The following HS3ST4 variants were observed in gnomAD, a reference collection of about 807,000 sequenced individuals.
HS3ST4 encodes the protein heparan sulfate-glucosamine 3-sulfotransferase 4.
HS3ST4 carries 17 observed loss-of-function variants against 29.2 expected under a neutral mutation model. That is an observed-to-expected ratio of 0.58 (90% CI 0.40 to 0.87). The LOEUF is 0.87. Ranked by LOEUF, HS3ST4 falls within the 40% of genes least tolerant of loss-of-function variation. HS3ST4 has a pLI of 0.00. For synonymous variants in HS3ST4, 314 were observed against 285.7 expected, an observed-to-expected ratio of 1.10 and a Z score of -1.00; for missense variants, 627 against 634.5, an observed-to-expected ratio of 0.99 and a Z score of 0.13.
chr16:25,709,417 C>G (rs992741708), intron 1 of HS3ST4, among the ~76,000 whole-genome samples: 6 of 152,020 alleles, frequency 3.9e-5, no homozygotes, highest in Non-Finnish European at 5.9e-5. Flanking sequence ...CCCTGGAGGC[C>G]CCTGGATCTG....
chr16:25,956,770 G>A lies in HS3ST4; in HGVS notation c.735-178842G>A, dbSNP rs567832991. On this transcript the variant is annotated intron_variant, in intron 1 of 1. Coordinates refer to ENST00000331351, the MANE Select transcript of HS3ST4 (RefSeq NM_006040.3). The stretch of plus-strand genomic sequence containing the variant: ...TCCCAGCACTTTGGGAGGCTGAGGC[G>A]GGCACATCATGAGGTCAGGAGATCA... Among the ~76,000 whole-genome samples the A allele has an allele frequency of 1.2e-4, 18 of 152,110 alleles. No individual in the cohort carries two copies. In the South Asian group the frequency reaches 2.1e-3, roughly 18 times the overall value.
chr16:25,956,717 G>C (rs563009542), intron 1 of HS3ST4, among the ~76,000 whole-genome samples: 1 of 152,176 alleles, frequency 6.6e-6, no homozygotes, highest in Non-Finnish European at 1.5e-5. Context: ...CATGGGTTTT[G>C]GCTGGGCGTG....
intron 1 of HS3ST4, among the ~76,000 whole-genome samples, chr16:25,781,098 A>G (rs921831192): frequency 2.6e-5 from 4 of 152,230 alleles, no homozygotes; most frequent in Non-Finnish European, 4.4e-5. Context: ...GCTTGTTGTT[A>G]TAAAAGGGAA....
intron 1 of HS3ST4, among the ~76,000 whole-genome samples, chr16:25,807,425 A>G (rs191899809): frequency 6.6e-6 from 1 of 152,210 alleles, no homozygotes; most frequent in Admixed American, 6.5e-5. Context: ...AAACCTCTGG[A>G]CTCTGACTTT....
chr16:25,948,000 C>G (rs1968646429), intron 1 of HS3ST4, among the ~76,000 whole-genome samples: 1 of 152,112 alleles, frequency 6.6e-6, no homozygotes, highest in Admixed American at 6.5e-5. Context: ...AATATAAGTG[C>G]TTAATAAATA....
chr16:25,895,453 T>G (rs924455974), intron 1 of HS3ST4, among the ~76,000 whole-genome samples: 6 of 151,972 alleles, frequency 3.9e-5, no homozygotes, highest in Admixed American at 3.9e-4. Flanking sequence ...GGTGAATGGA[T>G]GCTGGGCTGG....
rs114586373 is a variant in HS3ST4, at chr16:25,896,930, T to C, written c.734+203779T>C. Among the ~76,000 whole-genome samples, 855 of 152,220 alleles carry C rather than the reference T, an allele frequency of 5.6e-3. 5 individuals are homozygous for C. Among genetic ancestry groups the C allele is most frequent in the African/African-American group, 0.019 (804 of 41,526 alleles). ...AGCAAATACCACATGTTCTCACTTA[T>C]CAGTGGGAGCTTAACATTGGGTGCT... is the stretch of plus-strand genomic sequence containing the variant. On this transcript the variant is annotated intron_variant, in intron 1 of 1. Transcript: ENST00000331351.
At chr16:26,066,846 A>G (rs1025451222) in intron 1 of HS3ST4, among the ~76,000 whole-genome samples, 1 of 152,260 alleles carries the variant, frequency 6.6e-6, no homozygotes, top group African/African-American at 2.4e-5. Context: ...GCAGTATGCA[A>G]TGCTCAGGAC....
chr16:26,086,123 C>A (rs894114834), intron 1 of HS3ST4, among the ~76,000 whole-genome samples: 1 of 151,926 alleles, frequency 6.6e-6, no homozygotes, highest in Non-Finnish European at 1.5e-5. Context: ...ATCCTAATTC[C>A]GAATTTTCTC....
At chr16:25,797,752 C>T (rs1010028823) in intron 1 of HS3ST4, among the ~76,000 whole-genome samples, 2 of 152,164 alleles carry the variant, frequency 1.3e-5, no homozygotes, top group Admixed American at 6.5e-5. Context: ...TTGTTAATGT[C>T]TAGAGCAATG....
At chr16:26,013,775 T>A (rs1969335893) in intron 1 of HS3ST4, among the ~76,000 whole-genome samples, 1 of 152,148 alleles carries the variant, frequency 6.6e-6, no homozygotes, top group Non-Finnish European at 1.5e-5. Context: ...TGTGGGAGGC[T>A]AAGGTGGGCA....
At chr16:25,863,599 A>G (rs1483464321) in intron 1 of HS3ST4, among the ~76,000 whole-genome samples, 2 of 152,144 alleles carry the variant, frequency 1.3e-5, no homozygotes, top group African/African-American at 4.8e-5. Context: ...ATTAAATTAA[A>G]GAAATACTCT....
Position 25,911,023 on chromosome 16 carries a change from G to T in HS3ST4, c.734+217872G>T, listed in dbSNP as rs1483729854. On this transcript the variant is annotated intron_variant, in intron 1 of 1. Transcript: ENST00000331351. ...ATAATTGTAAGTAACTTAATGTCTG[G>T]TAATATTGGACTCTTTGGCAATGGA... Among the ~76,000 whole-genome samples the T allele has an allele frequency of 2.0e-5, 3 of 152,138 alleles. No homozygotes were observed. In the East Asian group the frequency reaches 5.8e-4, roughly 29 times the overall value.
intron 1 of HS3ST4, among the ~76,000 whole-genome samples, chr16:25,927,950 G>A (rs553251617): frequency 2.1e-5 from 3 of 145,310 alleles, no homozygotes; most frequent in African/African-American, 7.8e-5. Flanking sequence ...TGTAATCTCA[G>A]CATTTTCTGA....
intron 1 of HS3ST4, among the ~76,000 whole-genome samples, chr16:26,087,494 TC>T (rs1898803971): frequency 6.6e-6 from 1 of 152,082 alleles, no homozygotes; most frequent in Non-Finnish European, 1.5e-5. Flanking sequence ...CATCCCTGCC[TC>T]CCTCACTCCC....
rs1596662689 is a variant in HS3ST4 at position 26,048,931 on chromosome 16, ATGTC to A, written c.735-86676_735-86673del. 4.6e-5 allele frequency among the ~76,000 whole-genome samples: 7 copies of A among 152,256 alleles called. No individual in the cohort carries two copies. In the East Asian group the frequency reaches 1.4e-3, roughly 29 times the overall value. Reference sequence around the variant, plus strand: ...GGAGAATGTGTTAGTTGATCATACTATGTCTGTCATACCTCTCTGCCCTTTGTTA... The same window carrying A: ...GGAGAATGTGTTAGTTGATCATACTATGTCATACCTCTCTGCCCTTTGTTA... On this transcript the variant is annotated intron_variant, in intron 1 of 1. Transcript: ENST00000331351.
intron 1 of HS3ST4, among the ~76,000 whole-genome samples, chr16:25,946,287 G>C (rs2141694608): frequency 6.6e-6 from 1 of 152,328 alleles, no homozygotes; most frequent in South Asian, 2.1e-4. Context: ...CCATATTGCA[G>C]TGTGTTAAGG....
At chr16:25,955,344 C>T (rs1968721002) in intron 1 of HS3ST4, among the ~76,000 whole-genome samples, 2 of 152,186 alleles carry the variant, frequency 1.3e-5, no homozygotes, top group Admixed American at 1.3e-4. Flanking sequence ...GTGCAATAAA[C>T]CTCGTCAGTT....
chr16:26,112,381 CTTTTT>C (rs386384539), intron 1 of HS3ST4, among the ~76,000 whole-genome samples: 60 of 111,940 alleles, frequency 5.4e-4, no homozygotes, highest in African/African-American at 1.8e-3. Context: ...GCCTCTACAT[CTTTTT>C]TTTTTTTTTT....
Sources: allele counts gnomAD v4.1 joint callset (sites outside exome capture counted in the v4.1 genomes callset), GRCh38; gene constraint gnomAD v4.1.1; transcripts MANE v1.5; gene names NCBI Gene and HGNC (gene_info 2026-07-23, HGNC 2026-07-21).